EYS: variants seen among roughly 807,000 people sequenced by gnomAD.
EYS encodes the protein protein eyes shut homolog.
EYS carries 250 observed loss-of-function variants against 282.1 expected under a neutral mutation model. The ratio of observed to expected loss-of-function variants is 0.89; its 90% CI spans 0.80 to 0.98. The LOEUF (loss-of-function observed/expected upper bound fraction) is 0.98, where lower values mean the gene tolerates loss of function less well. Ranked by LOEUF, EYS falls within the 50% of genes least tolerant of loss-of-function variation. The pLI, the probability that EYS is intolerant of heterozygous loss-of-function variation, is 0.00. For missense variants in EYS, 4,016 were observed against 3,709.0 expected (o/e 1.08, Z -2.15); for synonymous variants, 1,355 against 1,282.9 (o/e 1.06, Z -1.20).
chr6:65,225,307 T>C (rs1285222686), intron 12 of EYS, among the ~76,000 whole-genome samples: 1 of 149,840 alleles, frequency 6.7e-6, no homozygotes, highest in Non-Finnish European at 1.5e-5. Flanking sequence ...TAATATATAA[T>C]TATAATTATA....
At chr6:65,332,492 C>T (rs1769833253) in intron 11 of EYS, 1 of 1,174,328 alleles carries the variant, frequency 8.5e-7, no homozygotes. Context: ...CATTATATTT[C>T]CATTTATTCA....
chr6:64,887,737 T>C (rs1475555389), intron 18 of EYS, among the ~76,000 whole-genome samples: 12 of 152,082 alleles, frequency 7.9e-5, no homozygotes, highest in Admixed American at 7.9e-4. Flanking sequence ...TGTACCCATA[T>C]TCAAGTGTAA....
intron 14 of EYS, among the ~76,000 whole-genome samples, chr6:64,979,154 T>C (rs1411731269): frequency 6.6e-6 from 1 of 151,758 alleles, no homozygotes. Flanking sequence ...AACTGATGCA[T>C]TAGGAAACCA....
chr6:65,605,999 CTT>C (rs1376753712), intron 2 of EYS, among the ~76,000 whole-genome samples: 2 of 151,494 alleles, frequency 1.3e-5, no homozygotes, highest in Admixed American at 6.6e-5. Context: ...CAGATAAAAA[CTT>C]GAGGAAATAT....
chr6:64,973,119 A>G (rs1770353255), intron 14 of EYS, among the ~76,000 whole-genome samples: 1 of 152,098 alleles, frequency 6.6e-6, no homozygotes. Flanking sequence ...CGAAAGGACT[A>G]GAAATACTGT....
intron 26 of EYS, among the ~76,000 whole-genome samples, chr6:64,543,724 T>C (rs973045791): frequency 6.6e-5 from 10 of 152,146 alleles, no homozygotes; most frequent in East Asian, 3.8e-4. Context: ...ACACACTAGT[T>C]ATTGAACTTT....
intron 28 of EYS, among the ~76,000 whole-genome samples, chr6:64,430,951 AAG>A (rs2150459527): frequency 6.6e-6 from 1 of 152,288 alleles, no homozygotes; most frequent in South Asian, 2.1e-4. Context: ...GAGAGTAGAA[AAG>A]CCACAAAGGA....
At chr6:65,674,642 C>T (rs935688315) in intron 1 of EYS, among the ~76,000 whole-genome samples, 4 of 151,740 alleles carry the variant, frequency 2.6e-5, no homozygotes, top group African/African-American at 9.7e-5. Flanking sequence ...CAAATCTGTC[C>T]TTCAAAAATG....
intron 22 of EYS, among the ~76,000 whole-genome samples, chr6:64,665,257 A>G (rs1769188288): frequency 6.6e-6 from 1 of 152,220 alleles, no homozygotes; most frequent in Non-Finnish European, 1.5e-5. Flanking sequence ...TAATCTTTTT[A>G]GGTAATGTGG....
At chr6:65,636,063 CTTTA>C (rs999662917) in intron 2 of EYS, among the ~76,000 whole-genome samples, 2 of 152,170 alleles carry the variant, frequency 1.3e-5, no homozygotes, top group African/African-American at 2.4e-5. Flanking sequence ...ATGCCATGGT[CTTTA>C]TTTATGCAGC....
intron 26 of EYS, among the ~76,000 whole-genome samples, chr6:64,499,567 TA>T (rs1388714699): frequency 1.3e-5 from 2 of 152,132 alleles, no homozygotes; most frequent in Non-Finnish European, 2.9e-5. Context: ...CTGGCTTAAT[TA>T]TTTTTTTATT....
At chr6:64,699,638 T>C (rs181044950) in intron 22 of EYS, among the ~76,000 whole-genome samples, 288 of 152,120 alleles carry the variant, frequency 1.9e-3, no homozygotes, top group Middle Eastern at 6.8e-3. Context: ...CTCCCAAGAT[T>C]CATGCAGGAA....
chr6:65,392,277 T>C (rs1163053196), intron 7 of EYS, among the ~76,000 whole-genome samples: 6 of 151,664 alleles, frequency 4.0e-5, no homozygotes, highest in Non-Finnish European at 8.8e-5. Context: ...ACTTCATGTC[T>C]AAAACACCAA....
intron 26 of EYS, among the ~76,000 whole-genome samples, chr6:64,550,412 T>G (rs1056936501): frequency 1.2e-4 from 18 of 152,172 alleles, no homozygotes; most frequent in Non-Finnish European, 2.4e-4. Flanking sequence ...TTTCCTGACT[T>G]TTTAATGATC....
intron 2 of EYS, among the ~76,000 whole-genome samples, chr6:65,626,888 C>T (rs1337293000): frequency 2.3e-5 from 3 of 127,874 alleles, no homozygotes; most frequent in African/African-American, 7.4e-5. Context: ...TGGAAATGGG[C>T]ATATTATGTA....
intron 12 of EYS, among the ~76,000 whole-genome samples, chr6:65,060,160 T>C (rs1180151895): frequency 6.6e-6 from 1 of 151,842 alleles, no homozygotes. Flanking sequence ...AGAGCAATCC[T>C]AACTAATGAG....
At chr6:64,779,472 G>T (rs1020205312) in intron 22 of EYS, among the ~76,000 whole-genome samples, 1 of 152,042 alleles carries the variant, frequency 6.6e-6, no homozygotes, top group Non-Finnish European at 1.5e-5. Flanking sequence ...ATCAGCGTTT[G>T]CCAGGAGTTG....
At chr6:64,977,894 C>T (rs891007646) in intron 14 of EYS, among the ~76,000 whole-genome samples, 2 of 151,804 alleles carry the variant, frequency 1.3e-5, no homozygotes, top group African/African-American at 4.8e-5. Context: ...GTCAAAGCTG[C>T]AGAAGAAAGT....
chr6:63,780,305 T>A (rs748007382), intron 39 of EYS, among the ~76,000 whole-genome samples: 1 of 152,222 alleles, frequency 6.6e-6, no homozygotes, highest in Non-Finnish European at 1.5e-5. Context: ...TAGTTCTAGA[T>A]CCTTGAGGAA....
Sources: allele counts gnomAD v4.1 joint callset (sites outside exome capture counted in the v4.1 genomes callset), GRCh38; gene constraint gnomAD v4.1.1; transcripts MANE v1.5; gene names NCBI Gene and HGNC (gene_info 2026-07-23, HGNC 2026-07-21).